Variants in ZBTB20 observed in about 807,000 individuals in gnomAD.
ZBTB20 encodes the protein zinc finger and BTB domain containing 20.
Under a neutral mutation model 56.9 loss-of-function variants are expected in ZBTB20, and 9 were observed. The ratio of observed to expected loss-of-function variants is 0.16; its 90% CI spans 0.10 to 0.28. The LOEUF is 0.28. Among genes scored for constraint, ZBTB20 ranks in the 10% least tolerant of loss-of-function variants. The pLI, the probability that ZBTB20 is intolerant of heterozygous loss-of-function variation, is 1.00. For synonymous variants in ZBTB20, 417 were observed against 420.7 expected (o/e 0.99, Z 0.11); for missense variants, 655 against 1,003.0 (o/e 0.65, Z 4.69).
chr3:114,865,110 T>C (rs1466647245), intron 4 of ZBTB20, among the ~76,000 whole-genome samples: 2 of 152,118 alleles, frequency 1.3e-5, no homozygotes, highest in African/African-American at 2.4e-5. Context: ...CTATTATAAA[T>C]AGTGCTGAAA....
At chr3:114,522,676 G>A (rs1224027635) in intron 6 of ZBTB20, among the ~76,000 whole-genome samples, 2 of 152,158 alleles carry the variant, frequency 1.3e-5, no homozygotes, top group African/African-American at 4.8e-5. Flanking sequence ...GGAGTGGTAA[G>A]ATTCTGGACT....
chr3:114,636,410 T>A (rs1268937832), intron 6 of ZBTB20, among the ~76,000 whole-genome samples: 2 of 152,088 alleles, frequency 1.3e-5, no homozygotes, highest in Non-Finnish European at 2.9e-5. Context: ...ACTCTAATGA[T>A]AGTGTGTAAA....
At chr3:114,569,557 C>T (rs1281324108) in intron 6 of ZBTB20, among the ~76,000 whole-genome samples, 1 of 152,176 alleles carries the variant, frequency 6.6e-6, no homozygotes, top group African/African-American at 2.4e-5. Context: ...TTAGCTACCA[C>T]CTCCAGTTAA....
At chr3:115,018,304 A>C (rs1211836371) in intron 2 of ZBTB20, among the ~76,000 whole-genome samples, 1 of 151,496 alleles carries the variant, frequency 6.6e-6, no homozygotes, top group African/African-American at 2.4e-5. Flanking sequence ...TTAGTTAGAA[A>C]ATTTTTTAAC....
chr3:114,617,321 T>C (rs1335340603), intron 6 of ZBTB20, among the ~76,000 whole-genome samples: 1 of 152,166 alleles, frequency 6.6e-6, no homozygotes, highest in East Asian at 1.9e-4. Context: ...TCTAGTTAAC[T>C]GCCTTTGCCC....
At chr3:114,440,873 G>T (rs1576772657) in intron 7 of ZBTB20, among the ~76,000 whole-genome samples, 1 of 152,222 alleles carries the variant, frequency 6.6e-6, no homozygotes, top group East Asian at 1.9e-4. Flanking sequence ...CCTTCCTGTT[G>T]AACTGCTTTA....
intron 7 of ZBTB20, among the ~76,000 whole-genome samples, chr3:114,454,327 T>C (rs1263333801): frequency 6.6e-6 from 1 of 151,734 alleles, no homozygotes; most frequent in African/African-American, 2.4e-5. Context: ...AGAAATGAAC[T>C]TGGGTAACCC....
chr3:115,001,088 C>CAAA (rs200876162), intron 2 of ZBTB20, among the ~76,000 whole-genome samples: 11 of 85,810 alleles, frequency 1.3e-4, no homozygotes, highest in South Asian at 3.4e-4. Context: ...TCCCACAAAT[C>CAAA]AAAAAAAAAA....
intron 6 of ZBTB20, among the ~76,000 whole-genome samples, chr3:114,562,747 C>A (rs1001835019): frequency 6.6e-6 from 1 of 152,024 alleles, no homozygotes; most frequent in African/African-American, 2.4e-5. Context: ...TATTAACTGG[C>A]CTTATTTCAA....
At chr3:114,757,741 A>T (rs979865293) in intron 5 of ZBTB20, among the ~76,000 whole-genome samples, 4 of 152,168 alleles carry the variant, frequency 2.6e-5, no homozygotes, top group Non-Finnish European at 5.9e-5. Flanking sequence ...AATAGGATAT[A>T]GTAAGAGAAA....
chr3:114,405,802 T>C (rs2087262730), intron 7 of ZBTB20, among the ~76,000 whole-genome samples: 1 of 152,146 alleles, frequency 6.6e-6, no homozygotes, highest in African/African-American at 2.4e-5. Context: ...GAATTGCTAC[T>C]TTCCTAAAGA....
At chr3:114,862,796 T>A (rs918104666) in intron 4 of ZBTB20, among the ~76,000 whole-genome samples, 2 of 152,150 alleles carry the variant, frequency 1.3e-5, no homozygotes, top group Non-Finnish European at 2.9e-5. Context: ...GTTGGGGGCA[T>A]CATATTAAAC....
At chr3:115,139,426 A>G (rs1470846410) in intron 1 of ZBTB20, among the ~76,000 whole-genome samples, 1 of 152,060 alleles carries the variant, frequency 6.6e-6, no homozygotes, top group Admixed American at 6.6e-5. Flanking sequence ...CTTTCAATAT[A>G]TAACAGGACA....
chr3:114,585,849 C>T (rs531323886), intron 6 of ZBTB20, among the ~76,000 whole-genome samples: 1 of 152,350 alleles, frequency 6.6e-6, no homozygotes, highest in South Asian at 2.1e-4. Flanking sequence ...ATTTCTCTGA[C>T]ATGTACAGTA....
intron 2 of ZBTB20, among the ~76,000 whole-genome samples, chr3:115,057,477 C>T (rs1409046548): frequency 2.0e-5 from 3 of 152,032 alleles, no homozygotes; most frequent in African/African-American, 7.2e-5. Context: ...CTTCTATTTC[C>T]CTGCTCCAAT....
intron 4 of ZBTB20, among the ~76,000 whole-genome samples, chr3:114,839,460 A>AAAGAAAGAAAGT (rs2074279743): frequency 1.3e-5 from 2 of 151,592 alleles, no homozygotes; most frequent in African/African-American, 4.9e-5. Flanking sequence ...AGAAAGAAAG[A>AAAGAAAGAAAGT]AAGAAAGAGA....
intron 6 of ZBTB20, among the ~76,000 whole-genome samples, chr3:114,602,639 G>T (rs1030432557): frequency 2.0e-5 from 3 of 151,856 alleles, no homozygotes; most frequent in Non-Finnish European, 2.9e-5. Context: ...GCTCACTGTT[G>T]TATCTCCAGC....
chr3:114,410,778 C>T (rs2087865024), intron 7 of ZBTB20, among the ~76,000 whole-genome samples: 2 of 152,222 alleles, frequency 1.3e-5, no homozygotes, highest in South Asian at 4.1e-4. Flanking sequence ...CTATAGCTAA[C>T]TAATGATGAA....
intron 6 of ZBTB20, among the ~76,000 whole-genome samples, chr3:114,675,097 TATTTTTA>T (rs1376072042): frequency 6.7e-6 from 1 of 148,764 alleles, no homozygotes. Flanking sequence ...ATATACACAA[TATTTTTA>T]ATTTTTAATT....
Sources: gnomAD v4.1 joint callset for allele counts (sites outside exome capture counted in the v4.1 genomes callset) on GRCh38, gnomAD v4.1.1 for gene constraint, MANE v1.5 for transcripts, NCBI Gene and HGNC (gene_info 2026-07-23, HGNC 2026-07-21) for gene names.